Variants in NCOA5 observed in about 807,000 individuals in gnomAD.
NCOA5 encodes the protein nuclear receptor coactivator 5, also known as NCoA-5.
In NCOA5, 12 loss-of-function variants were observed where a neutral mutation model predicts 59.0. The observed-to-expected ratio is 0.20, with a 90% CI of 0.13 to 0.33. NCOA5 has a LOEUF of 0.33. Among genes scored for constraint, NCOA5 ranks in the 10% least tolerant of loss-of-function variants. The probability of loss-of-function intolerance (pLI) is 1.00; values close to 1 mark genes in which losing one functional copy is unlikely to be tolerated. For missense variants in NCOA5, 655 were observed against 766.6 expected (o/e 0.85, Z 1.72); for synonymous variants, 270 against 275.5 (o/e 0.98, Z 0.20).
chr20:46,067,974 A>C (rs978315421), intron 4 of NCOA5, among the ~76,000 whole-genome samples: 1 of 151,480 alleles, frequency 6.6e-6, no homozygotes, highest in Non-Finnish European at 1.5e-5. Context: ...TCTGTCACCC[A>C]GGCTGGAGTG....
At chr20:46,081,037 A>G (rs1171803755) in intron 1 of NCOA5, among the ~76,000 whole-genome samples, 1 of 152,136 alleles carries the variant, frequency 6.6e-6, no homozygotes, top group Admixed American at 6.5e-5. Context: ...CTTACTGTGT[A>G]CCACTTTCTA....
chr20:46,089,687 G>A (rs2085081648), intron 1 of NCOA5, 130 bp downstream of exon 1: 1 of 152,048 alleles, frequency 6.6e-6, no homozygotes, highest in African/African-American at 2.4e-5. Context: ...CACCCGGAGA[G>A]GAGCCGAGAC....
rs751690591 is a variant in NCOA5, at chr20:46,065,135, G to A, written c.723C>T (p.Ala241=). The A allele has an allele frequency of 6.2e-7, 1 of 1,614,178 alleles. No individual in the cohort carries two copies. The highest frequency in any genetic ancestry group is 1.7e-5 in the Admixed American group (1 of 60,016). The change falls in exon 6 of 8, where the codon GCC becomes GCT. Residue 241 remains alanine, a synonymous_variant. Coordinates refer to ENST00000290231, the MANE Select transcript of NCOA5 (RefSeq NM_020967.3). ...FLNTEVSLSQ[A]LEDVSRGGSP... is the part of the protein sequence containing the mutation. ...AACCTCCCCTGCTAACATCCTCCAA[G>A]GCTTGTGACAGTGACACTTCTGTGT... is the stretch of plus-strand genomic sequence containing the variant.
At chr20:46,086,844 G>T (rs1022707718) in intron 1 of NCOA5, among the ~76,000 whole-genome samples, 1 of 152,176 alleles carries the variant, frequency 6.6e-6, no homozygotes, top group Non-Finnish European at 1.5e-5. Context: ...GATAGCAGGA[G>T]AAAGGCATCA....
chr20:46,074,861 T>C (rs1275969887), intron 2 of NCOA5, among the ~76,000 whole-genome samples: 1 of 152,262 alleles, frequency 6.6e-6, no homozygotes, highest in East Asian at 1.9e-4. Flanking sequence ...GCTTTGGTTC[T>C]ACAGACGGTC....
chr20:46,080,066 T>TACAACCTTCACAG (rs80328699), intron 1 of NCOA5, among the ~76,000 whole-genome samples: 28,398 of 151,962 alleles, frequency 0.19, 2,817 homozygotes, highest in South Asian at 0.29. Flanking sequence ...TGTTAACATC[T>TACAACCTTCACAG]ACAGATAACC....
intron 5 of NCOA5, among the ~76,000 whole-genome samples, chr20:46,066,091 C>T (rs2084820517): frequency 6.6e-6 from 1 of 152,150 alleles, no homozygotes; most frequent in South Asian, 2.1e-4. Flanking sequence ...GGTGTCTCAA[C>T]ACCTATTTCC....
At chr20:46,089,536 GCA>G (rs994117876) in intron 1 of NCOA5, among the ~76,000 whole-genome samples, 1 of 152,212 alleles carries the variant, frequency 6.6e-6, no homozygotes, top group African/African-American at 2.4e-5. Context: ...GACCGTTCGT[GCA>G]CAGACAGGCG....
chr20:46,065,067 C>T lies in NCOA5; in HGVS notation c.791G>A (p.Arg264His), dbSNP rs150367556. Residue 264 changes from arginine (R) to histidine (H), a missense_variant, in exon 6 of 8, where the codon CGC becomes CAC. Physicochemically the swap from Arg to His is conservative, Grantham distance 29. Transcript: ENST00000290231. ...IVITQQHQIH[R>H]SCTVNIMFGT... ...AAACATGATGTTGACTGTGCAGGAG[C>T]GGTGAATCTGGTGTTGCTGGGTGAT... The T allele has an allele frequency of 7.4e-6, 12 of 1,614,030 alleles. No individual in the cohort carries two copies. Among genetic ancestry groups the T allele is most frequent in the African/African-American group, 2.7e-5 (2 of 74,908 alleles).
At chr20:46,086,862 T>C (rs2085050851) in intron 1 of NCOA5, among the ~76,000 whole-genome samples, 1 of 152,224 alleles carries the variant, frequency 6.6e-6, no homozygotes, top group Admixed American at 6.5e-5. Flanking sequence ...TCATGATAAC[T>C]TCCTCTCTCA....
rs571256627 is a variant in NCOA5, at chr20:46,077,395, G to A, written c.38+1992C>T. Among the ~76,000 whole-genome samples the A allele has an allele frequency of 4.6e-5, 7 of 152,332 alleles. No individual in the cohort carries two copies. The South Asian group carries it at 8.3e-4, about 18-fold the overall frequency. On this transcript the variant is annotated intron_variant, in intron 2 of 7. Coordinates refer to ENST00000290231, the MANE Select transcript of NCOA5 (RefSeq NM_020967.3). Reference sequence around the variant, plus strand: ...GTTGGTCATTCCCCAACACTGCAATGTTTGTTGAATATCTACAATCAACTA... The same window carrying A: ...GTTGGTCATTCCCCAACACTGCAATATTTGTTGAATATCTACAATCAACTA...
chr20:46,061,584 G>A lies in NCOA5; in HGVS notation c.*716C>T, dbSNP rs1455614828. On this transcript the variant is annotated 3_prime_UTR_variant, in exon 8 of 8. Coordinates refer to ENST00000290231, the MANE Select transcript of NCOA5 (RefSeq NM_020967.3). ...TAACAGGGAAGAGTGGTGGGGCCCA[G>A]ATTCACAGTTTGTGGTAACTGCTGC... The A allele has an allele frequency of 2.6e-5, 4 of 152,648 alleles. No individual in the cohort carries two copies. Among genetic ancestry groups the A allele is most frequent in the African/African-American group, 9.7e-5 (4 of 41,430 alleles). The allele number at this position is 152,648 out of a possible 1,614,324, so 9.5% of individuals were successfully genotyped here.
At chr20:46,078,214 T>A (rs1206937822) in intron 2 of NCOA5, among the ~76,000 whole-genome samples, 1 of 152,166 alleles carries the variant, frequency 6.6e-6, no homozygotes, top group Non-Finnish European at 1.5e-5. Flanking sequence ...AACTGCAGAG[T>A]GGGCATGCGT....
chr20:46,080,159 G>A (rs967055727), intron 1 of NCOA5, among the ~76,000 whole-genome samples: 8 of 152,104 alleles, frequency 5.3e-5, no homozygotes, highest in Admixed American at 1.3e-4. Context: ...GAAGGCTGGC[G>A]TATAGAACTA....
chr20:46,089,311 G>A (rs2085075134), intron 1 of NCOA5, among the ~76,000 whole-genome samples: 1 of 152,250 alleles, frequency 6.6e-6, no homozygotes, highest in Non-Finnish European at 1.5e-5. Flanking sequence ...ATGCGGTCAG[G>A]GGCCGCGAGA....
rs1263532615 is a variant in NCOA5 at position 46,068,632 on chromosome 20, T to A, written c.372A>T (p.Glu124Asp). ...TTCGTAGGTATCGGTCATAAGAGCC[T>A]TCTCTCCTGAAAAGTTAAGGAAATT... Reference protein sequence around the residue: ...RDSRDPMYRREGSYDRYLRMD... With the variant: ...RDSRDPMYRRDGSYDRYLRMD... Residue 124 changes from glutamate (E) to aspartate (D), a missense_variant, in exon 4 of 8, where the codon GAA becomes GAT. By Grantham distance (45) the Glu-to-Asp change is conservative. This residue lies in a region of NCOA5 where 250 missense variants were observed against 260.1 expected (regional missense o/e 0.96). Coordinates refer to ENST00000290231, the MANE Select transcript of NCOA5 (RefSeq NM_020967.3). 6.2e-7 allele frequency: 1 copy of A among 1,606,734 alleles called. No homozygotes were observed. Among genetic ancestry groups the A allele is most frequent in the South Asian group, 1.1e-5 (1 of 89,258 alleles).
At position 46,062,632 on chromosome 20, in the gene NCOA5, T is replaced by C; in HGVS notation, c.1408A>G (p.Asn470Asp). 9.3e-6 allele frequency: 15 copies of C among 1,614,212 alleles called. No homozygotes were observed. The highest frequency in any genetic ancestry group is 1.3e-5 in the Non-Finnish European group (15 of 1,180,026). Reference sequence around the variant, plus strand: ...TGTGATCTTTGTTGAGGCTGGCTGTTTGCTGCTGTGGAAAAATTCTGGTTT... The same window carrying C: ...TGTGATCTTTGTTGAGGCTGGCTGTCTGCTGCTGTGGAAAAATTCTGGTTT... ...TPNQNFSTAANSQPQQRSQAS... is the reference protein window; with the variant it reads ...TPNQNFSTAADSQPQQRSQAS... The change falls in exon 8 of 8, where the codon AAC (asparagine) becomes GAC (aspartate). Residue 470 changes from asparagine to aspartate, a missense_variant. Around this residue, in one of 3 missense-constraint regions of NCOA5, gnomAD observed 325 missense variants for 353.2 expected, o/e 0.92. Transcript: ENST00000290231.
intron 2 of NCOA5, among the ~76,000 whole-genome samples, chr20:46,071,882 C>T (rs758589174): frequency 6.6e-6 from 1 of 152,190 alleles, no homozygotes; most frequent in African/African-American, 2.4e-5. Flanking sequence ...TCATCTTGAT[C>T]TGGCATTTAC....
chr20:46,062,071 T>G lies in NCOA5; in HGVS notation c.*229A>C, dbSNP rs1227654637. 1 of 443,820 alleles carries G rather than the reference T, an allele frequency of 2.3e-6. No homozygotes were observed. The highest frequency in any genetic ancestry group is 4.0e-6 in the Non-Finnish European group (1 of 250,420). The allele number at this position is 443,820 out of a possible 1,614,324, so 27.5% of individuals were successfully genotyped here. ...CTGTACTGCCCCCGGAGATATTTAT[T>G]TTCTACAAAACAAAAAACAAAAAAA... On this transcript the variant is annotated 3_prime_UTR_variant, in exon 8 of 8. Transcript: ENST00000290231.
Sources: allele counts gnomAD v4.1 joint callset (sites outside exome capture counted in the v4.1 genomes callset), GRCh38; gene constraint gnomAD v4.1.1; regional missense constraint gnomAD v4.1.1; transcripts MANE v1.5; gene names NCBI Gene and HGNC (gene_info 2026-07-23, HGNC 2026-07-21).